Variants in GPC5 observed in about 807,000 individuals in gnomAD.
The protein encoded by GPC5 is glypican 5.
GPC5 carries 47 observed loss-of-function variants against 53.9 expected under a neutral mutation model. The observed-to-expected ratio is 0.87, with a 90% CI of 0.69 to 1.11. The LOEUF is 1.11. GPC5 is among the 50% of genes most tolerant of loss of function. The probability of loss-of-function intolerance (pLI) is 0.00; values close to 1 mark genes in which losing one functional copy is unlikely to be tolerated. For synonymous variants in GPC5, 286 were observed against 263.3 expected (o/e 1.09, Z -0.84); for missense variants, 748 against 713.1 (o/e 1.05, Z -0.56).
chr13:92,666,477 TA>T (rs1232868786), intron 7 of GPC5, among the ~76,000 whole-genome samples: 3 of 151,846 alleles, frequency 2.0e-5, no homozygotes, highest in South Asian at 2.1e-4. Context: ...TTGTTCTAAT[TA>T]AAAAAATGCT....
At chr13:91,410,339 C>CTTTTTTTTTTTTTTTTTTT (rs66787310) in intron 1 of GPC5, among the ~76,000 whole-genome samples, 1 of 89,838 alleles carries the variant, frequency 1.1e-5, no homozygotes, top group Non-Finnish European at 2.1e-5. Context: ...CGTTTCCATT[C>CTTTTTTTTTTTTTTTTTTT]TTTTTTTTTT....
At chr13:91,484,967 A>G (rs985870902) in intron 2 of GPC5, among the ~76,000 whole-genome samples, 1 of 152,240 alleles carries the variant, frequency 6.6e-6, no homozygotes, top group African/African-American at 2.4e-5. Context: ...ATTGCTACTC[A>G]GAGGTCTACA....
intron 7 of GPC5, among the ~76,000 whole-genome samples, chr13:92,675,886 C>T (rs1471466411): frequency 1.3e-5 from 2 of 152,076 alleles, no homozygotes; most frequent in Non-Finnish European, 2.9e-5. Flanking sequence ...ATGACTGCTG[C>T]CATTCCCACA....
intron 6 of GPC5, among the ~76,000 whole-genome samples, chr13:91,947,822 A>G (rs1280038391): frequency 6.6e-6 from 1 of 152,158 alleles, no homozygotes; most frequent in Admixed American, 6.5e-5. Context: ...CCCTGCAGCA[A>G]CAGCAACCCA....
At chr13:91,658,297 A>G (rs978018318) in intron 2 of GPC5, among the ~76,000 whole-genome samples, 5 of 152,204 alleles carry the variant, frequency 3.3e-5, no homozygotes, top group African/African-American at 1.2e-4. Flanking sequence ...GAAATATAAT[A>G]GTAAATAGAA....
chr13:92,781,718 A>G (rs1594503188), intron 7 of GPC5, among the ~76,000 whole-genome samples: 1 of 152,188 alleles, frequency 6.6e-6, no homozygotes, highest in East Asian at 1.9e-4. Flanking sequence ...GAACGCTTTC[A>G]TTATTTAAAA....
intron 7 of GPC5, among the ~76,000 whole-genome samples, chr13:92,827,824 G>A (rs1877904147): frequency 6.6e-6 from 1 of 152,240 alleles, no homozygotes; most frequent in African/African-American, 2.4e-5. Flanking sequence ...ATGGAAGAGA[G>A]CCAGAAATGA....
chr13:91,614,837 C>A (rs762091036), intron 2 of GPC5, among the ~76,000 whole-genome samples: 1 of 152,144 alleles, frequency 6.6e-6, no homozygotes, highest in Non-Finnish European at 1.5e-5. Flanking sequence ...GTCTTCTCAA[C>A]TTGAATTCAC....
intron 6 of GPC5, among the ~76,000 whole-genome samples, chr13:92,113,810 T>C (rs1328647722): frequency 6.7e-6 from 1 of 150,190 alleles, no homozygotes; most frequent in Non-Finnish European, 1.5e-5. Context: ...TTTAAATAAG[T>C]ATAAAGAAGA....
chr13:92,466,556 T>C (rs1014892881), intron 7 of GPC5, among the ~76,000 whole-genome samples: 6 of 152,128 alleles, frequency 3.9e-5, no homozygotes, highest in African/African-American at 1.2e-4. Context: ...TCCAATACAC[T>C]GTTTATGGTA....
At chr13:91,542,027 A>AATATTAATTAATTG (rs1444139518) in intron 2 of GPC5, among the ~76,000 whole-genome samples, 1 of 150,116 alleles carries the variant, frequency 6.7e-6, no homozygotes, top group Non-Finnish European at 1.5e-5. Flanking sequence ...AATATTAATT[A>AATATTAATTAATTG]ATATTAATAA....
At chr13:91,630,470 G>C (rs2034128133) in intron 2 of GPC5, among the ~76,000 whole-genome samples, 1 of 152,100 alleles carries the variant, frequency 6.6e-6, no homozygotes, top group Admixed American at 6.5e-5. Context: ...GACAGATATA[G>C]AAAATATTAT....
At position 91,466,453 on chromosome 13, in the gene GPC5, G is replaced by A. The variant is rs922895044; in HGVS notation, c.325+17531G>A. On this transcript the variant is annotated intron_variant, in intron 2 of 7. Coordinates refer to ENST00000377067, the MANE Select transcript of GPC5 (RefSeq NM_004466.6). Reference sequence around the variant, plus strand: ...TTACGTTTTTATTTTTGTTTCAACTGCTGTTCTCAAGAATTGAAAGAGTAT... The same window carrying A: ...TTACGTTTTTATTTTTGTTTCAACTACTGTTCTCAAGAATTGAAAGAGTAT... Among the ~76,000 whole-genome samples the A allele has an allele frequency of 3.3e-5, 5 of 152,216 alleles. No homozygotes were observed. In the East Asian group the frequency reaches 9.7e-4, roughly 29 times the overall value.
In GPC5 at chr13:92,461,195, A is replaced by T. The variant is rs574217192; in HGVS notation, c.1561+316206A>T. Among the ~76,000 whole-genome samples the T allele has an allele frequency of 2.0e-5, 3 of 152,320 alleles. No individual in the cohort carries two copies. The East Asian group carries it at 5.8e-4, about 29-fold the overall frequency. On this transcript the variant is annotated intron_variant, in intron 7 of 7. Transcript: ENST00000377067. ...AATACAGAGAAGATGCAAAAAGTAC[A>T]AAAAGGAAAATTGGATAATGAGAGG...
chr13:92,692,069 C>A lies in GPC5; in HGVS notation c.1562-174213C>A, dbSNP rs181512920. Among the ~76,000 whole-genome samples, 366 of 152,184 alleles carry A rather than the reference C, an allele frequency of 2.4e-3. 1 individual carries two copies. The highest frequency in any genetic ancestry group is 2.4e-3 in the Non-Finnish European group (161 of 68,002). On this transcript the variant is annotated intron_variant, in intron 7 of 7. Transcript: ENST00000377067. ...TAGTCTTCAGTGTCTATTGTTCCCA[C>A]CTTTATATCCATGTGTACCCTATGT...
intron 7 of GPC5, among the ~76,000 whole-genome samples, chr13:92,216,179 A>C (rs191110232): frequency 6.6e-6 from 1 of 152,264 alleles, no homozygotes; most frequent in East Asian, 1.9e-4. Context: ...ACTGGTGAAA[A>C]CTTGCTCTTC....
chr13:91,871,812 A>G (rs567288722), intron 5 of GPC5, among the ~76,000 whole-genome samples: 3 of 152,210 alleles, frequency 2.0e-5, no homozygotes, highest in African/African-American at 4.8e-5. Context: ...ATGCATTGCC[A>G]TGACGCTAGA....
At chr13:92,851,279 A>G (rs1442114913) in intron 7 of GPC5, among the ~76,000 whole-genome samples, 1 of 151,996 alleles carries the variant, frequency 6.6e-6, no homozygotes, top group Non-Finnish European at 1.5e-5. Flanking sequence ...ACAGATCCAA[A>G]CCATATCACC....
chr13:91,819,136 TA>T (rs966519747), intron 5 of GPC5, among the ~76,000 whole-genome samples: 13 of 142,894 alleles, frequency 9.1e-5, no homozygotes, highest in East Asian at 8.5e-4. Flanking sequence ...TTCTTTTTAT[TA>T]AAAAAAATAT....
Sources: allele counts gnomAD v4.1 joint callset (sites outside exome capture counted in the v4.1 genomes callset), GRCh38; gene constraint gnomAD v4.1.1; transcripts MANE v1.5; gene names NCBI Gene and HGNC (gene_info 2026-07-23, HGNC 2026-07-21).